GLG1: variants seen among roughly 807,000 people sequenced by gnomAD.
GLG1 encodes the protein golgi glycoprotein 1.
A neutral mutation model predicts 160.5 loss-of-function variants in GLG1; 38 were observed. The observed-to-expected ratio is 0.24, with a 90% CI of 0.18 to 0.31. The LOEUF (loss-of-function observed/expected upper bound fraction) is 0.31. Ranked by LOEUF, GLG1 falls within the 10% of genes least tolerant of loss-of-function variation. The pLI is 1.00. For synonymous variants in GLG1, 644 were observed against 543.4 expected (o/e 1.19, Z -2.57); for missense variants, 1,373 against 1,505.2 (o/e 0.91, Z 1.45).
intron 23 of GLG1, among the ~76,000 whole-genome samples, chr16:74,458,982 A>G (rs1567454868): frequency 6.6e-6 from 1 of 152,218 alleles, no homozygotes; most frequent in Non-Finnish European, 1.5e-5. Flanking sequence ...TCCCTATAAA[A>G]CAACAGTAAG....
intron 23 of GLG1, chr16:74,458,303 T>C (rs1268054448): frequency 4.5e-6 from 1 of 220,490 alleles, no homozygotes; most frequent in East Asian, 9.6e-5. Context: ...TACCTAAACG[T>C]TAATATTTTT....
Position 74,467,815 on chromosome 16 carries a change from C to T in GLG1, c.2470G>A (p.Glu824Lys), listed in dbSNP as rs2015053752. 4 of 1,613,358 alleles carry T rather than the reference C, an allele frequency of 2.5e-6. No individual in the cohort carries two copies. Among genetic ancestry groups the T allele is most frequent in the Middle Eastern group, 1.6e-4 (1 of 6,080 alleles). Residue 824 changes from glutamate (E) to lysine (K), a missense_variant, in exon 18 of 26, where the codon GAA becomes AAA. By Grantham distance (56) the Glu-to-Lys change is moderately conservative. Transcript: ENST00000422840. ...EDIRLEPDLY[E>K]ACKSDIKNFC... ...TTTTTGATGTCACTCTTGCAGGCTTCGTATAGATCTGGCTCCAAGCGGATG... is the reference window on the plus strand; with the variant it reads ...TTTTTGATGTCACTCTTGCAGGCTTTGTATAGATCTGGCTCCAAGCGGATG...
chr16:74,499,861 G>A (rs1479834189), intron 4 of GLG1, among the ~76,000 whole-genome samples: 2 of 152,030 alleles, frequency 1.3e-5, no homozygotes, highest in Admixed American at 6.6e-5. Context: ...AAATTAGCCG[G>A]GCATGGTGGC....
intron 1 of GLG1, among the ~76,000 whole-genome samples, chr16:74,583,748 G>C (rs1175783264): frequency 6.6e-6 from 1 of 151,990 alleles, no homozygotes. Flanking sequence ...TCTTCTCAGG[G>C]AGACATATCC....
intron 7 of GLG1, among the ~76,000 whole-genome samples, chr16:74,492,610 G>T (rs2016039589): frequency 6.6e-6 from 1 of 151,706 alleles, no homozygotes; most frequent in South Asian, 2.1e-4. Context: ...CCTAAGTTTG[G>T]GAGTTCGAGA....
intron 1 of GLG1, among the ~76,000 whole-genome samples, chr16:74,549,841 T>C (rs1223797595): frequency 6.6e-6 from 1 of 151,760 alleles, no homozygotes; most frequent in Admixed American, 6.6e-5. Flanking sequence ...GGGCTGAGCG[T>C]GGTGGCTCAC....
intron 3 of GLG1, among the ~76,000 whole-genome samples, chr16:74,508,606 G>T (rs1468244673): frequency 1.3e-5 from 2 of 152,088 alleles, no homozygotes; most frequent in Non-Finnish European, 2.9e-5. Context: ...TTGCTGTTTT[G>T]AGACCAATAG....
chr16:74,493,012 C>T lies in GLG1; in HGVS notation c.1179G>A (p.Ser393=), dbSNP rs1000697833. The T allele has an allele frequency of 3.1e-6, 5 of 1,613,740 alleles. No individual in the cohort carries two copies. Among genetic ancestry groups the T allele is most frequent in the African/African-American group, 2.7e-5 (2 of 74,882 alleles). ...YRCNVENLPR[S]REARLSYLLM... is the part of the protein sequence containing the mutation. ...ACAAGTAGGAGAGCCTGGCTTCACG[C>T]GATCGCGGAAGGTTTTCCACATTGC... The change falls in exon 7 of 26, where the codon TCG becomes TCA. Residue 393 remains serine (S), a synonymous_variant. Coordinates refer to ENST00000422840, the MANE Select transcript of GLG1 (RefSeq NM_001145667.2).
chr16:74,585,564 C>T (rs934366378), intron 1 of GLG1, among the ~76,000 whole-genome samples: 3 of 151,396 alleles, frequency 2.0e-5, no homozygotes, highest in Admixed American at 6.6e-5. Flanking sequence ...AAAAATTAGC[C>T]GGGCATGGTA....
intron 23 of GLG1, 30 bp downstream of exon 23, chr16:74,459,652 A>G: frequency 1.9e-6 from 2 of 1,065,134 alleles, no homozygotes; most frequent in Non-Finnish European, 1.4e-6. Context: ...AAAAGAAATG[A>G]AGTGAGGAAA....
At chr16:74,559,106 C>G (rs1033702328) in intron 1 of GLG1, among the ~76,000 whole-genome samples, 4 of 152,080 alleles carry the variant, frequency 2.6e-5, no homozygotes, top group South Asian at 2.1e-4. Context: ...CCAGGCTTCA[C>G]GCAGTCTTCC....
intron 1 of GLG1, among the ~76,000 whole-genome samples, chr16:74,564,846 T>C (rs2018606417): frequency 2.0e-5 from 3 of 152,246 alleles, no homozygotes; most frequent in African/African-American, 2.4e-5. Flanking sequence ...ACAGCCCAGG[T>C]TTTTTATTCC....
At chr16:74,496,182 C>T (rs764255192) in intron 5 of GLG1, among the ~76,000 whole-genome samples, 1 of 151,912 alleles carries the variant, frequency 6.6e-6, no homozygotes, top group Non-Finnish European at 1.5e-5. Context: ...GCAGAAGAAT[C>T]GCTTGAACCC....
chr16:74,528,970 CT>C (rs368741358), intron 2 of GLG1, among the ~76,000 whole-genome samples: 1,967 of 139,176 alleles, frequency 0.014, 31 homozygotes, highest in African/African-American at 0.048. Flanking sequence ...TTCTGTCTGC[CT>C]TTTTTTTTTT....
At chr16:74,582,624 T>C (rs1433013033) in intron 1 of GLG1, among the ~76,000 whole-genome samples, 4 of 151,624 alleles carry the variant, frequency 2.6e-5, no homozygotes, top group African/African-American at 7.3e-5. Flanking sequence ...ATCAAGACCA[T>C]CCTGGCTAAC....
Position 74,606,977 on chromosome 16 carries a change from G to T in GLG1, c.118C>A (p.Gln40Lys). Residue 40 changes from glutamine (Q) to lysine (K), a missense_variant, in exon 1 of 26, where the codon CAG becomes AAG. Gln to Lys is a moderately conservative substitution (Grantham distance 53, BLOSUM62 1). This residue lies in a region of GLG1 where 322 missense variants were observed against 254.6 expected (regional missense o/e 1.26). Coordinates refer to ENST00000422840, the MANE Select transcript of GLG1 (RefSeq NM_001145667.2). ...GACACAAAGTTGGCCCCGGGACCCT[G>T]GCCCTGGCTGTGGACGCCCTGGCCG... The part of the protein sequence containing the change: ...LPGQGVHSQG[Q>K]GPGANFVSFV... 1 of 1,607,992 alleles carries T rather than the reference G, an allele frequency of 6.2e-7. No individual in the cohort carries two copies. Among genetic ancestry groups the T allele is most frequent in the Non-Finnish European group, 8.5e-7 (1 of 1,178,794 alleles).
chr16:74,606,850 T>C lies in GLG1; in HGVS notation c.245A>G (p.Gln82Arg). 3.1e-6 allele frequency: 5 copies of C among 1,597,514 alleles called. No individual in the cohort carries two copies. The highest frequency in any genetic ancestry group is 4.3e-6 in the Non-Finnish European group (5 of 1,173,022). ...CGGCTGCGGCGGCTGAGGCTGCTGT[T>C]GCTGTTGCTGCTGCTGCTGTTGCTG... ...LQQQQQQQQQ[Q>R]QQPQPPQPPF... The change falls in exon 1 of 26, where the codon CAA becomes CGA. Residue 82 changes from glutamine (Q) to arginine (R), a missense_variant. Coordinates refer to ENST00000422840, the MANE Select transcript of GLG1 (RefSeq NM_001145667.2).
intron 1 of GLG1, among the ~76,000 whole-genome samples, chr16:74,560,414 G>A (rs2018478838): frequency 7.1e-6 from 1 of 141,460 alleles, no homozygotes; most frequent in Non-Finnish European, 1.5e-5. Flanking sequence ...TGCAACCTCC[G>A]TCTTCCAGGT....
chr16:74,553,882 G>A (rs941706274), intron 1 of GLG1, among the ~76,000 whole-genome samples: 29 of 152,124 alleles, frequency 1.9e-4, no homozygotes, highest in African/African-American at 6.3e-4. Context: ...AATTTTCACT[G>A]CATATCCAAA....
Sources: gnomAD v4.1 joint callset for allele counts (sites outside exome capture counted in the v4.1 genomes callset) on GRCh38, gnomAD v4.1.1 for gene constraint, gnomAD v4.1.1 regional missense constraint, MANE v1.5 for transcripts, NCBI Gene and HGNC (gene_info 2026-07-23, HGNC 2026-07-21) for gene names.